The following VPS13A variants were observed in gnomAD, a reference collection of about 807,000 sequenced individuals.
VPS13A encodes intermembrane lipid transfer protein VPS13A.
In VPS13A, 264 loss-of-function variants were observed where a neutral mutation model predicts 390.9. The ratio of observed to expected loss-of-function variants is 0.68; its 90% confidence interval spans 0.61 to 0.75. The LOEUF (loss-of-function observed/expected upper bound fraction) is 0.75. Ranked by LOEUF, VPS13A falls within the 30% of genes least tolerant of loss-of-function variation. VPS13A has a pLI of 0.00. For missense variants in VPS13A, 3,409 were observed against 3,733.9 expected, an observed-to-expected ratio of 0.91 and a Z score of 2.27; for synonymous variants, 1,231 against 1,227.1, an observed-to-expected ratio of 1.00 and a Z score of -0.07.
chr9:77,399,167 TAAA>T (rs763173093), intron 68 of VPS13A, among the ~76,000 whole-genome samples: 7,426 of 84,440 alleles, frequency 0.088, 131 homozygotes, highest in Non-Finnish European at 0.11. Flanking sequence ...TAGAGTATAA[TAAA>T]AAAAAAAAAA....
Position 77,419,688 on chromosome 9 carries a change from C to G in VPS13A, c.*3682C>G, listed in dbSNP as rs1430816855. ...GAAAAATTAGATCCACACACAGCAC[C>G]CAAAAAAGGCCATAGTCTTTTGTTT... On this transcript the variant is annotated 3_prime_UTR_variant, in exon 72 of 72. Transcript: ENST00000360280. The G allele has an allele frequency of 6.6e-6, 1 of 152,110 alleles. No individual in the cohort carries two copies. The highest frequency in any genetic ancestry group is 6.5e-5 in the Admixed American group (1 of 15,274). The allele number at this position is 152,110 out of a possible 1,614,324, so 9.4% of individuals were successfully genotyped here.
intron 1 of VPS13A, among the ~76,000 whole-genome samples, chr9:77,194,814 C>G (rs1824894083): frequency 6.6e-6 from 1 of 152,014 alleles, no homozygotes; most frequent in Non-Finnish European, 1.5e-5. Flanking sequence ...TGCCTTCCTT[C>G]CAAAGATCTG....
At chr9:77,388,870 C>T (rs1453048751) in intron 68 of VPS13A, among the ~76,000 whole-genome samples, 1 of 152,104 alleles carries the variant, frequency 6.6e-6, no homozygotes, top group South Asian at 2.1e-4. Context: ...TAAAACTTGG[C>T]ATTTCTATGA....
intron 29 of VPS13A, among the ~76,000 whole-genome samples, 160 bp from the exon 30 acceptor site, chr9:77,283,195 A>G (rs1827138245): frequency 6.6e-6 from 1 of 152,126 alleles, no homozygotes; most frequent in African/African-American, 2.4e-5. Flanking sequence ...TAGAATTTTC[A>G]ATTCAGTAGG....
intron 19 of VPS13A, among the ~76,000 whole-genome samples, chr9:77,238,622 T>TG (rs1225117090): frequency 6.6e-6 from 1 of 152,220 alleles, no homozygotes; most frequent in Non-Finnish European, 1.5e-5. Flanking sequence ...TGCAAAATTT[T>TG]GCTTAGGATA....
chr9:77,260,258 A>G (rs758665495), intron 23 of VPS13A, 34 bp downstream of exon 23: 4 of 1,603,824 alleles, frequency 2.5e-6, no homozygotes, highest in African/African-American at 2.7e-5. Flanking sequence ...ATAAGCATGA[A>G]TTAAGAAAGT....
chr9:77,317,132 T>C (rs1829445166), intron 39 of VPS13A, among the ~76,000 whole-genome samples: 1 of 152,038 alleles, frequency 6.6e-6, no homozygotes, highest in Non-Finnish European at 1.5e-5. Flanking sequence ...GATGTAATTT[T>C]GATACAATGA....
chr9:77,350,692 T>C (rs1177701331), intron 52 of VPS13A, among the ~76,000 whole-genome samples: 1 of 152,168 alleles, frequency 6.6e-6, no homozygotes, highest in Non-Finnish European at 1.5e-5. Flanking sequence ...TTAGGGTTTT[T>C]TCCCCCCTAT....
intron 1 of VPS13A, among the ~76,000 whole-genome samples, chr9:77,198,757 G>C (rs77820781): frequency 6.6e-6 from 1 of 151,986 alleles, no homozygotes; most frequent in Non-Finnish European, 1.5e-5. Context: ...TCCGCCTCCT[G>C]GGTTCAAGCA....
intron 50 of VPS13A, among the ~76,000 whole-genome samples, chr9:77,343,101 C>T (rs773022105): frequency 9.2e-5 from 14 of 151,992 alleles, no homozygotes; most frequent in Non-Finnish European, 1.9e-4. Context: ...CCCTTTCCCC[C>T]GATAAAGAGG....
intron 34 of VPS13A, among the ~76,000 whole-genome samples, chr9:77,306,840 A>G (rs989447247): frequency 1.3e-5 from 2 of 152,054 alleles, no homozygotes; most frequent in Admixed American, 1.3e-4. Context: ...CATCACAGCT[A>G]TTAAGGCAGG....
intron 24 of VPS13A, among the ~76,000 whole-genome samples, chr9:77,274,982 A>G (rs1826560157): frequency 3.3e-5 from 5 of 152,134 alleles, no homozygotes; most frequent in Admixed American, 3.3e-4. Flanking sequence ...TTACATATCA[A>G]CGTATATGTA....
intron 13 of VPS13A, 46 bp downstream of exon 13, chr9:77,221,402 T>C (rs754889759): frequency 3.1e-6 from 5 of 1,596,764 alleles, no homozygotes; most frequent in Non-Finnish European, 4.3e-6. Flanking sequence ...ACTACATAGC[T>C]CCTTATTGGT....
intron 51 of VPS13A, among the ~76,000 whole-genome samples, chr9:77,344,737 C>T (rs930338884): frequency 7.4e-5 from 11 of 149,342 alleles, no homozygotes; most frequent in African/African-American, 1.7e-4. Flanking sequence ...CCAGCCTAGG[C>T]GACAGAGCAA....
chr9:77,225,119 T>C (rs1045947891), intron 13 of VPS13A, among the ~76,000 whole-genome samples: 12 of 152,208 alleles, frequency 7.9e-5, no homozygotes, highest in South Asian at 4.1e-4. Flanking sequence ...AACATAACTT[T>C]TATATGCACT....
At chr9:77,318,633 A>C (rs1245224689) in intron 41 of VPS13A, 42 bp downstream of exon 41, 1 of 1,405,372 alleles carries the variant, frequency 7.1e-7, no homozygotes, top group East Asian at 2.3e-5. Flanking sequence ...AATGATACGT[A>C]TGGAATATTA....
chr9:77,405,988 G>GTATGT lies in VPS13A; in HGVS notation c.9399+3_9399+7dup, dbSNP rs1389391433. 5.0e-6 allele frequency: 8 copies of GTATGT among 1,613,320 alleles called. No homozygotes were observed. Among genetic ancestry groups the GTATGT allele is most frequent in the Non-Finnish European group, 6.8e-6 (8 of 1,179,916 alleles). On this transcript the variant is annotated splice_donor_variant, in intron 70 of 71. Coordinates refer to ENST00000360280, the MANE Select transcript of VPS13A (RefSeq NM_033305.3). LOFTEE classifies it high-confidence loss of function. ...GAGAAGATTGCGCATTGAAGCAAAG[G>GTATGT]TATGTTGAATAGATTTATTTTTTGA...
chr9:77,277,091 G>GT, intron 26 of VPS13A, among the ~76,000 whole-genome samples: 1 of 152,190 alleles, frequency 6.6e-6, no homozygotes, highest in East Asian at 1.9e-4. Context: ...TGTTTCCTAT[G>GT]TTAGGTAATT....
Position 77,295,823 on chromosome 9 carries a change from G to C in VPS13A, c.3789G>C (p.Lys1263Asn). Residue 1263 changes from lysine (K) to asparagine (N), a missense_variant, in exon 33 of 72, where the codon AAG (lysine) becomes AAC (asparagine). By Grantham distance (94) the Lys-to-Asn change is moderately conservative. Around this residue, in one of 5 missense-constraint regions of VPS13A, gnomAD observed 2,717 missense variants for 2,917.4 expected, o/e 0.93. Coordinates refer to ENST00000360280, the MANE Select transcript of VPS13A (RefSeq NM_033305.3). ...CTGTTATTGATTTGATAACAATAAA[G>C]CTGAGTGAAATGCGACTATACAGGT... ...PPPVIDLITIKLSEMRLYRSR... is the reference protein window; with the variant it reads ...PPPVIDLITINLSEMRLYRSR... 1 of 1,613,864 alleles carries C rather than the reference G, an allele frequency of 6.2e-7. No individual in the cohort carries two copies. The highest frequency in any genetic ancestry group is 1.7e-5 in the Admixed American group (1 of 59,990).
Sources: allele counts gnomAD v4.1 joint callset (sites outside exome capture counted in the v4.1 genomes callset), GRCh38; gene constraint gnomAD v4.1.1; regional missense constraint gnomAD v4.1.1; transcripts MANE v1.5; gene names NCBI Gene and HGNC (gene_info 2026-07-23, HGNC 2026-07-21).